The following ZBTB16 variants were observed in gnomAD, a reference collection of about 807,000 sequenced individuals.
The protein encoded by ZBTB16 is zinc finger and BTB domain-containing protein 16.
In ZBTB16, 8 loss-of-function variants were observed where a neutral mutation model predicts 56.8. The observed-to-expected ratio is 0.14, with a 90% CI of 0.08 to 0.25. The LOEUF (loss-of-function observed/expected upper bound fraction) is 0.25. Ranked by LOEUF, ZBTB16 falls within the 10% of genes least tolerant of loss-of-function variation. The probability of loss-of-function intolerance (pLI) is 1.00; values close to 1 mark genes in which losing one functional copy is unlikely to be tolerated. For missense variants in ZBTB16, 625 were observed against 903.0 expected, an observed-to-expected ratio of 0.69 and a Z score of 3.95; for synonymous variants, 363 against 368.5, an observed-to-expected ratio of 0.98 and a Z score of 0.17.
intron 2 of ZBTB16, among the ~76,000 whole-genome samples, chr11:114,074,788 C>T (rs1489205383): frequency 2.6e-5 from 4 of 152,314 alleles, no homozygotes; most frequent in South Asian, 2.1e-4. Flanking sequence ...GCTAAAGGTC[C>T]GCGGCCCTGA....
intron 4 of ZBTB16, among the ~76,000 whole-genome samples, chr11:114,216,182 C>T (rs1425317473): frequency 6.6e-6 from 1 of 152,216 alleles, no homozygotes; most frequent in Non-Finnish European, 1.5e-5. Context: ...TGCACCCTTT[C>T]CCTTGCACAC....
chr11:114,187,176 C>A, intron 4 of ZBTB16, 138 bp downstream of exon 4: 1 of 811,942 alleles, frequency 1.2e-6, no homozygotes, highest in Non-Finnish European at 2.1e-6. Flanking sequence ...GTAGGATGGG[C>A]TTCTGCCACG....
intron 2 of ZBTB16, among the ~76,000 whole-genome samples, chr11:114,091,027 T>G (rs1266957319): frequency 6.6e-6 from 1 of 152,178 alleles, no homozygotes; most frequent in African/African-American, 2.4e-5. Context: ...CCGTACATCC[T>G]CACACCTGGT....
chr11:114,142,633 A>G (rs1173843291), intron 2 of ZBTB16, among the ~76,000 whole-genome samples: 5 of 152,192 alleles, frequency 3.3e-5, no homozygotes, highest in African/African-American at 1.2e-4. Flanking sequence ...TTTCCTAACC[A>G]TTGTATTCAG....
chr11:114,120,501 T>C (rs139361369), intron 2 of ZBTB16, among the ~76,000 whole-genome samples: 2 of 152,254 alleles, frequency 1.3e-5, no homozygotes, highest in African/African-American at 4.8e-5. Context: ...GAATCCTCTT[T>C]CCTGAAGAGG....
intron 4 of ZBTB16, chr11:114,189,661 G>A (rs924533923): frequency 6.6e-6 from 1 of 151,984 alleles, no homozygotes; most frequent in South Asian, 2.1e-4. Flanking sequence ...AGCTACTTGG[G>A]AGGCTGAGGC....
At chr11:114,160,626 T>C (rs1412232622) in intron 3 of ZBTB16, among the ~76,000 whole-genome samples, 4 of 152,218 alleles carry the variant, frequency 2.6e-5, no homozygotes, top group African/African-American at 7.2e-5. Flanking sequence ...CCTTTTTCTC[T>C]CTCCCTTACT....
chr11:114,163,636 G>A (rs894279761), intron 3 of ZBTB16, among the ~76,000 whole-genome samples: 40 of 151,986 alleles, frequency 2.6e-4, no homozygotes, highest in African/African-American at 9.2e-4. Context: ...TTTAAACAGT[G>A]TTTTCACCAG....
chr11:114,099,980 C>T (rs552190070), intron 2 of ZBTB16, among the ~76,000 whole-genome samples: 1 of 152,316 alleles, frequency 6.6e-6, no homozygotes, highest in East Asian at 1.9e-4. Flanking sequence ...TGGATTGCTG[C>T]ATACACAGTC....
chr11:114,157,554 C>T (rs1020034123), intron 3 of ZBTB16, among the ~76,000 whole-genome samples: 6 of 152,204 alleles, frequency 3.9e-5, no homozygotes, highest in African/African-American at 7.2e-5. Context: ...TGTCCCCATC[C>T]GCTCGTTCCC....
intron 4 of ZBTB16, among the ~76,000 whole-genome samples, chr11:114,214,484 G>T (rs1944056829): frequency 6.6e-6 from 1 of 152,224 alleles, no homozygotes; most frequent in South Asian, 2.1e-4. Flanking sequence ...AACTCTCACA[G>T]CAGCCCTATG....
intron 2 of ZBTB16, among the ~76,000 whole-genome samples, chr11:114,119,264 CAAAAAAAAAAAAAA>C (rs71063549): frequency 3.5e-5 from 2 of 57,216 alleles, no homozygotes; most frequent in Non-Finnish European, 3.0e-5. Flanking sequence ...AACTCTGTCT[CAAAAAAAAAAAAAA>C]AAAAAAAAAA....
intron 4 of ZBTB16, among the ~76,000 whole-genome samples, chr11:114,239,748 G>A (rs1226287941): frequency 1.3e-5 from 2 of 152,282 alleles, no homozygotes; most frequent in Middle Eastern, 3.4e-3. Flanking sequence ...AGCCATTGCT[G>A]GAGCTGTACT....
chr11:114,156,264 C>A, intron 2 of ZBTB16, 73 bp from the exon 3 acceptor site: 1 of 1,511,644 alleles, frequency 6.6e-7, no homozygotes, highest in Non-Finnish European at 9.2e-7. Context: ...GCTGCCAAGC[C>A]CCCAGGTAGG....
intron 2 of ZBTB16, among the ~76,000 whole-genome samples, chr11:114,084,301 G>C (rs974422390): frequency 2.0e-5 from 3 of 152,180 alleles, no homozygotes; most frequent in Non-Finnish European, 1.5e-5. Flanking sequence ...CTGGCTTAGA[G>C]ATGGTCGGGG....
chr11:114,176,422 G>T (rs979843371), intron 3 of ZBTB16, among the ~76,000 whole-genome samples: 1 of 152,050 alleles, frequency 6.6e-6, no homozygotes, highest in East Asian at 1.9e-4. Context: ...CCTGGAACTC[G>T]GGTCAGTCTT....
intron 4 of ZBTB16, among the ~76,000 whole-genome samples, chr11:114,215,727 T>C (rs1416851062): frequency 6.6e-6 from 1 of 152,236 alleles, no homozygotes; most frequent in Non-Finnish European, 1.5e-5. Flanking sequence ...GGCACATATA[T>C]AGATGCCCTT....
chr11:114,113,925 A>G (rs1941096429), intron 2 of ZBTB16, among the ~76,000 whole-genome samples: 1 of 152,244 alleles, frequency 6.6e-6, no homozygotes, highest in Admixed American at 6.5e-5. Flanking sequence ...CACAATCAAT[A>G]TTAGCTAAAT....
intron 2 of ZBTB16, among the ~76,000 whole-genome samples, chr11:114,098,350 T>C (rs1312920092): frequency 6.6e-6 from 1 of 152,144 alleles, no homozygotes; most frequent in Non-Finnish European, 1.5e-5. Flanking sequence ...ACCAGGCGTG[T>C]GGGCGCACTG....
Sources: gnomAD v4.1 joint callset for allele counts (sites outside exome capture counted in the v4.1 genomes callset) on GRCh38, gnomAD v4.1.1 for gene constraint, MANE v1.5 for transcripts, NCBI Gene and HGNC (gene_info 2026-07-23, HGNC 2026-07-21) for gene names.